The following SLC41A2 variants were observed in gnomAD, a reference collection of about 807,000 sequenced individuals.
The protein encoded by SLC41A2 is SLC41A1-like 1.
SLC41A2 carries 32 observed loss-of-function variants against 58.3 expected under a neutral mutation model. The observed-to-expected ratio is 0.55, with a 90% CI of 0.41 to 0.74. SLC41A2 has a LOEUF of 0.74. SLC41A2 is among the 30% of genes least tolerant of loss of function. The probability of loss-of-function intolerance (pLI) is 0.00; values close to 1 mark genes in which losing one functional copy is unlikely to be tolerated. For synonymous variants in SLC41A2, 190 were observed against 235.0 expected, an observed-to-expected ratio of 0.81 and a Z score of 1.75; for missense variants, 514 against 680.6, an observed-to-expected ratio of 0.76 and a Z score of 2.72.
At chr12:104,946,369 C>T (rs189312482) in intron 1 of SLC41A2, among the ~76,000 whole-genome samples, 4 of 152,252 alleles carry the variant, frequency 2.6e-5, no homozygotes, top group Admixed American at 6.5e-5. Context: ...AACTCCTGGG[C>T]TCAAGCAATC....
intron 3 of SLC41A2, among the ~76,000 whole-genome samples, chr12:104,908,761 C>A (rs7303811): frequency 0.078 from 11,858 of 152,150 alleles, 526 homozygotes; most frequent in Middle Eastern, 0.11. Flanking sequence ...CTGCTACTGG[C>A]AGTATTTTTT....
At chr12:104,854,960 G>A (rs1235002250) in intron 8 of SLC41A2, among the ~76,000 whole-genome samples, 1 of 151,914 alleles carries the variant, frequency 6.6e-6, no homozygotes, top group African/African-American at 2.4e-5. Context: ...TTCTTTCCAA[G>A]GCTACTGTGT....
At chr12:104,877,158 T>G (rs956868080) in intron 6 of SLC41A2, among the ~76,000 whole-genome samples, 2 of 152,210 alleles carry the variant, frequency 1.3e-5, no homozygotes, top group Non-Finnish European at 2.9e-5. Flanking sequence ...GGAAATAAAC[T>G]TGAACTATAA....
At chr12:104,841,917 A>G (rs144229627) in intron 10 of SLC41A2, among the ~76,000 whole-genome samples, 2,844 of 152,242 alleles carry the variant, frequency 0.019, 40 homozygotes, top group Non-Finnish European at 0.031. Context: ...GTAGGAATGT[A>G]GATGGGGAGA....
At chr12:104,852,398 T>C (rs2042835017) in intron 8 of SLC41A2, among the ~76,000 whole-genome samples, 1 of 152,198 alleles carries the variant, frequency 6.6e-6, no homozygotes, top group Non-Finnish European at 1.5e-5. Context: ...AACGTATATC[T>C]ACTCTACAAC....
chr12:104,820,644 A>AT lies in SLC41A2; in HGVS notation c.1537-15308dup, dbSNP rs1373061270. On this transcript the variant is annotated intron_variant, in intron 10 of 10. Coordinates refer to ENST00000258538, the MANE Select transcript of SLC41A2 (RefSeq NM_001352171.3). ...TGCACATAGTTATTTAATGTAGGGAATTTTTTTCTTTTTCCAGACAGAGTT... is the reference window on the plus strand; with the variant it reads ...TGCACATAGTTATTTAATGTAGGGAATTTTTTTTCTTTTTCCAGACAGAGTT... Among the ~76,000 whole-genome samples, 691 of 151,048 alleles carry AT rather than the reference A, an allele frequency of 4.6e-3. 7 individuals carry two copies. The highest frequency in any genetic ancestry group is 0.015 in the African/African-American group (621 of 41,182).
chr12:104,835,401 A>AT (rs1214300975), intron 10 of SLC41A2, among the ~76,000 whole-genome samples: 1 of 152,176 alleles, frequency 6.6e-6, no homozygotes, highest in Non-Finnish European at 1.5e-5. Context: ...GCTACAACCT[A>AT]TAATTTCTAA....
intron 1 of SLC41A2, among the ~76,000 whole-genome samples, chr12:104,954,670 T>C (rs538637868): frequency 2.3e-4 from 35 of 152,342 alleles, no homozygotes; most frequent in Non-Finnish European, 4.7e-4. Context: ...AAACCCGAAA[T>C]TACCAGCCTC....
intron 10 of SLC41A2, among the ~76,000 whole-genome samples, chr12:104,806,737 A>G (rs1320095799): frequency 6.6e-6 from 1 of 151,976 alleles, no homozygotes; most frequent in Non-Finnish European, 1.5e-5. Context: ...TTGTTTCCTG[A>G]CTTTTTAATG....
chr12:104,808,186 T>G (rs375044502), intron 10 of SLC41A2, among the ~76,000 whole-genome samples: 1 of 152,222 alleles, frequency 6.6e-6, no homozygotes, highest in Admixed American at 6.5e-5. Flanking sequence ...CCATTCAGTA[T>G]GATATTGGCT....
intron 6 of SLC41A2, among the ~76,000 whole-genome samples, chr12:104,883,293 T>A (rs1349070716): frequency 6.6e-6 from 1 of 152,210 alleles, no homozygotes. Flanking sequence ...AGAAGTCTGT[T>A]ATTACCAATC....
At chr12:104,936,261 C>G (rs1022386132) in intron 1 of SLC41A2, among the ~76,000 whole-genome samples, 2 of 152,102 alleles carry the variant, frequency 1.3e-5, no homozygotes, top group Admixed American at 1.3e-4. Context: ...ATTTACTATA[C>G]TATACTTTTT....
chr12:104,818,619 C>T (rs1479910678), intron 10 of SLC41A2, among the ~76,000 whole-genome samples: 3 of 152,122 alleles, frequency 2.0e-5, no homozygotes, highest in African/African-American at 7.2e-5. Flanking sequence ...TGGCTCATAC[C>T]TGTAAGCCCA....
At chr12:104,894,312 T>C (rs2045174564) in intron 4 of SLC41A2, among the ~76,000 whole-genome samples, 1 of 149,254 alleles carries the variant, frequency 6.7e-6, no homozygotes, top group South Asian at 2.1e-4. Context: ...ATGACTGCAC[T>C]ACTGCACTCC....
chr12:104,847,759 T>C (rs2042659494), intron 8 of SLC41A2, among the ~76,000 whole-genome samples: 1 of 152,192 alleles, frequency 6.6e-6, no homozygotes, highest in Admixed American at 6.5e-5. Flanking sequence ...CTTAATGTCA[T>C]TGATAGATTC....
chr12:104,889,474 C>T (rs1268188727), intron 4 of SLC41A2, among the ~76,000 whole-genome samples: 1 of 152,088 alleles, frequency 6.6e-6, no homozygotes, highest in Admixed American at 6.6e-5. Context: ...GAAAATGCCA[C>T]CTTCAGACTG....
intron 6 of SLC41A2, among the ~76,000 whole-genome samples, chr12:104,872,403 G>A (rs1191889622): frequency 1.3e-5 from 2 of 152,232 alleles, no homozygotes; most frequent in East Asian, 3.9e-4. Flanking sequence ...ACTTCAGATA[G>A]CAGAAATCAG....
chr12:104,805,143 T>C lies in SLC41A2; in HGVS notation c.*9A>G. On this transcript the variant is annotated 3_prime_UTR_variant, in exon 11 of 11. Coordinates refer to ENST00000258538, the MANE Select transcript of SLC41A2 (RefSeq NM_001352171.3). ...TCCTTGGTAACTTGAGAGCAGTTTGTAGAATTTATTAGTCTCCAACATCTC... is the reference window on the plus strand; with the variant it reads ...TCCTTGGTAACTTGAGAGCAGTTTGCAGAATTTATTAGTCTCCAACATCTC... 1.3e-6 allele frequency: 2 copies of C among 1,591,566 alleles called. No individual in the cohort carries two copies. The highest frequency in any genetic ancestry group is 8.6e-7 in the Non-Finnish European group (1 of 1,169,566).
At chr12:104,843,196 T>G (rs1251661568) in intron 10 of SLC41A2, among the ~76,000 whole-genome samples, 1 of 151,998 alleles carries the variant, frequency 6.6e-6, no homozygotes, top group African/African-American at 2.4e-5. Context: ...TATAGTACAT[T>G]ATAATTATTT....
Sources: gnomAD v4.1 joint callset for allele counts (sites outside exome capture counted in the v4.1 genomes callset) on GRCh38, gnomAD v4.1.1 for gene constraint, MANE v1.5 for transcripts, NCBI Gene and HGNC (gene_info 2026-07-23, HGNC 2026-07-21) for gene names.